The following ABCA3 variants were observed in gnomAD, a reference collection of about 807,000 sequenced individuals.
The protein encoded by ABCA3 is phospholipid-transporting ATPase ABCA3.
A neutral mutation model predicts 172.8 loss-of-function variants in ABCA3; 88 were observed. The ratio of observed to expected loss-of-function variants is 0.51; its 90% CI spans 0.43 to 0.61. The LOEUF is 0.61. Ranked by LOEUF, ABCA3 falls within the 20% of genes least tolerant of loss-of-function variation. The probability of loss-of-function intolerance (pLI) is 0.00; values close to 1 mark genes in which losing one functional copy is unlikely to be tolerated. For missense variants in ABCA3, 2,164 were observed against 2,301.0 expected (o/e 0.94, Z 1.22); for synonymous variants, 1,066 against 983.8 (o/e 1.08, Z -1.56).
rs1198433946 is a variant in ABCA3 at position 2,286,564 on chromosome 16, G to A, written c.3278+130C>T. 1.6e-6 allele frequency: 2 copies of A among 1,249,788 alleles called. No individual in the cohort carries two copies. Among genetic ancestry groups the A allele is most frequent in the African/African-American group, 1.5e-5 (1 of 66,830 alleles). The allele number at this position is 1,249,788 out of a possible 1,614,324, so 77.4% of individuals were successfully genotyped here. ...GGATGGTGGAGGAGGATGTGGCAGG[G>A]GTTTCCCACCAGACCCAGGGGCTTT... On this transcript the variant is annotated intron_variant, in intron 22 of 32. Coordinates refer to ENST00000301732, the MANE Select transcript of ABCA3 (RefSeq NM_001089.3). This position sits in a 1 kb window ranked among gnomAD's most constrained non-coding sequence, Gnocchi z 5.2.
chr16:2,319,462 G>A (rs1354853028), intron 8 of ABCA3, 119 bp downstream of exon 8: 1 of 1,370,610 alleles, frequency 7.3e-7, no homozygotes, highest in Non-Finnish European at 9.7e-7. Flanking sequence ...TCCAGCCTGG[G>A]CGACAGAGCG....
At chr16:2,321,994 T>G (rs1310370824) in intron 7 of ABCA3, among the ~76,000 whole-genome samples, 1 of 151,958 alleles carries the variant, frequency 6.6e-6, no homozygotes, top group African/African-American at 2.4e-5. Context: ...GGTCAAGAGA[T>G]CGAGACCATC....
rs1310674548 is a variant in ABCA3 at position 2,287,089 on chromosome 16, C to T, written c.3005-122G>A. 11 of 1,089,124 alleles carry T rather than the reference C, an allele frequency of 1.0e-5. No individual in the cohort carries two copies. The highest frequency in any genetic ancestry group is 1.2e-5 in the Non-Finnish European group (9 of 750,350). 67.5% of individuals were successfully genotyped at this position (1,089,124 alleles called of 1,614,324 possible). A position where few individuals can be genotyped will look rare whatever the true frequency, so the allele number is the denominator to read the frequency against. Reference sequence around the variant, plus strand: ...GTGCCAGCATCCTCTGAGCTGCCCGCCCCATCACCCTTCTCCTAAGGAGAG... The same window carrying T: ...GTGCCAGCATCCTCTGAGCTGCCCGTCCCATCACCCTTCTCCTAAGGAGAG... On this transcript the variant is annotated intron_variant, in intron 21 of 32. Coordinates refer to ENST00000301732, the MANE Select transcript of ABCA3 (RefSeq NM_001089.3). This position sits in a 1 kb window ranked among gnomAD's most constrained non-coding sequence, Gnocchi z 4.1.
intron 1 of ABCA3, among the ~76,000 whole-genome samples, chr16:2,339,895 G>C (rs2093757773): frequency 1.3e-5 from 2 of 152,264 alleles, no homozygotes; most frequent in African/African-American, 2.4e-5. Flanking sequence ...CGGACGCGAT[G>C]CACACAGGCG....
At chr16:2,298,624 G>A (rs2141708603) in intron 14 of ABCA3, 84 bp from the exon 15 acceptor site, 1 of 1,536,552 alleles carries the variant, frequency 6.5e-7, no homozygotes, top group South Asian at 1.1e-5. Context: ...CCCCCTCTCT[G>A]TCTCCCCTAA....
intron 1 of ABCA3, chr16:2,332,608 T>A (rs2141748825): frequency 6.4e-7 from 1 of 1,564,704 alleles, no homozygotes; most frequent in East Asian, 2.2e-5. Flanking sequence ...CAGCAGCTTG[T>A]ACTGTAGCGT....
At chr16:2,288,459 C>T in intron 20 of ABCA3, 130 bp from the exon 21 acceptor site, 2 of 1,137,862 alleles carry the variant, frequency 1.8e-6, no homozygotes, top group Non-Finnish European at 2.5e-6. Context: ...GCACCGGAGA[C>T]TCCCAGAGCG....
At chr16:2,306,099 C>T (rs981525510) in intron 11 of ABCA3, among the ~76,000 whole-genome samples, 1 of 152,094 alleles carries the variant, frequency 6.6e-6, no homozygotes, top group Non-Finnish European at 1.5e-5. Context: ...CATCTGTAAT[C>T]CCAGCACTTT....
rs373224846 is a variant in ABCA3 at position 2,289,607 on chromosome 16, C to G, written c.2527G>C (p.Val843Leu). 8.4e-5 allele frequency: 131 copies of G among 1,551,426 alleles called. No homozygotes were observed. In the African/African-American group the frequency reaches 1.6e-3, roughly 20 times the overall value. The change falls in exon 20 of 33, where the codon GTG (valine) becomes CTG (leucine). Residue 843 changes from valine (V) to leucine (L), a missense_variant. Around this residue, in one of 3 missense-constraint regions of ABCA3, gnomAD observed 1,343 missense variants for 1,369.6 expected, o/e 0.98. Coordinates refer to ENST00000301732, the MANE Select transcript of ABCA3 (RefSeq NM_001089.3). ...EEVFLRVGKL[V>L]DSSMDIQAIQ... ...GCCTGGATGTCCATACTGCTGTCCA[C>G]CAGCTTCCCGACCCTGTGCCGATAC...
chr16:2,323,618 A>G lies in ABCA3; in HGVS notation c.518T>C (p.Leu173Pro). 1 of 1,614,146 alleles carries G rather than the reference A, an allele frequency of 6.2e-7. No homozygotes were observed. Among genetic ancestry groups the G allele is most frequent in the African/African-American group, 1.3e-5 (1 of 75,028 alleles). Residue 173 changes from leucine (L) to proline (P), a missense_variant, in exon 7 of 33, where the codon CTG becomes CCG. Leu to Pro is a moderately conservative substitution (Grantham distance 98). This residue lies in a region of ABCA3 where 1,343 missense variants were observed against 1,369.6 expected (regional missense o/e 0.98). Transcript: ENST00000301732. ...YMWTQTGSFF[L>P]KETEGWHTTS... is the part of the protein sequence containing the mutation. Reference sequence around the variant, plus strand: ...AGTGTGCCAGCCTTCTGTCTCTTTCAGGAAAAAGGAGCCTGTTTGGGTCCA... The same window carrying G: ...AGTGTGCCAGCCTTCTGTCTCTTTCGGGAAAAAGGAGCCTGTTTGGGTCCA...
At chr16:2,339,940 C>T (rs1283511565) in intron 1 of ABCA3, among the ~76,000 whole-genome samples, 2 of 152,264 alleles carry the variant, frequency 1.3e-5, no homozygotes, top group African/African-American at 4.8e-5. Context: ...CGGCCTCCGG[C>T]GACTGCCACA....
In ABCA3 at chr16:2,283,429, C is replaced by T. The variant is rs2093658188; in HGVS notation, c.3863-71G>A. 6.4e-7 allele frequency: 1 copy of T among 1,554,344 alleles called. No homozygotes were observed. The highest frequency in any genetic ancestry group is 1.2e-5 in the South Asian group (1 of 86,090). The stretch of plus-strand genomic sequence containing the variant: ...CCTCCCCTTCCAGGTTCCCGGCCCC[C>T]ACTCCCCTCCCCAGGCTGCTCAAGG... On this transcript the variant is annotated intron_variant, in intron 25 of 32. Coordinates refer to ENST00000301732, the MANE Select transcript of ABCA3 (RefSeq NM_001089.3). The surrounding 1 kb of genome is among the most constrained non-coding windows in gnomAD (Gnocchi z 5.4).
Position 2,283,956 on chromosome 16 carries a change from G to T in ABCA3, c.3862+323C>A. ...CAGCCAGGAGCTCAGGATGCCTGGA[G>T]CCTCCAGGAGATGGGAGAAGCAGGA... On this transcript the variant is annotated intron_variant, in intron 25 of 32. Coordinates refer to ENST00000301732, the MANE Select transcript of ABCA3 (RefSeq NM_001089.3). The surrounding 1 kb of genome is among the most constrained non-coding windows in gnomAD (Gnocchi z 5.4). The T allele has an allele frequency of 3.4e-6, 1 of 298,098 alleles. No individual in the cohort carries two copies. The highest frequency in any genetic ancestry group is 6.4e-6 in the Non-Finnish European group (1 of 156,550). 18.5% of individuals were successfully genotyped at this position (298,098 alleles called of 1,614,324 possible).
chr16:2,331,677 C>G (rs2093743428), intron 1 of ABCA3, among the ~76,000 whole-genome samples: 1 of 152,202 alleles, frequency 6.6e-6, no homozygotes, highest in African/African-American at 2.4e-5. Flanking sequence ...AGCAAATGTA[C>G]ACAAGAGAAA....
At chr16:2,301,093 T>C (rs941632761) in intron 12 of ABCA3, among the ~76,000 whole-genome samples, 19 of 151,164 alleles carry the variant, frequency 1.3e-4, no homozygotes, top group Admixed American at 7.2e-4. Context: ...TAGCCGGGCG[T>C]GGTGGTGGGC....
Position 2,297,235 on chromosome 16 carries a change from G to T in ABCA3, c.2263+94C>A. On this transcript the variant is annotated intron_variant, in intron 17 of 32. Transcript: ENST00000301732. This position sits in a 1 kb window ranked among gnomAD's most constrained non-coding sequence, Gnocchi z 5.6. ...AGGAAGTCTAGAAAAGGCCACCCCT[G>T]CCTGATCTGAGGGCCCTTCATGAAG... 7.1e-7 allele frequency: 1 copy of T among 1,417,176 alleles called. No homozygotes were observed. The highest frequency in any genetic ancestry group is 9.7e-7 in the Non-Finnish European group (1 of 1,028,640). The allele number at this position is 1,417,176 out of a possible 1,614,324, so 87.8% of individuals were successfully genotyped here.
At position 2,276,689 on chromosome 16, in the gene ABCA3, T is replaced by C. The variant is rs1376790038; in HGVS notation, c.5100A>G (p.Ala1700=). Residue 1700 remains alanine (A), a synonymous_variant, in exon 33 of 33, where the codon GCA becomes GCG. Transcript: ENST00000301732. ...LSFAHLQPPT[A]EEGR ...CCGCCACCCCTCATCGCCCCTCCTC[T>C]GCGGTGGGCGGCTGCAGGTGGGCGA... The C allele has an allele frequency of 6.2e-7, 1 of 1,613,524 alleles. No homozygotes were observed. The highest frequency in any genetic ancestry group is 8.5e-7 in the Non-Finnish European group (1 of 1,180,046).
In ABCA3 at chr16:2,276,749, C is replaced by T. The variant is rs2093647054; in HGVS notation, c.5040G>A (p.Val1680=). The change falls in exon 33 of 33, where the codon GTG becomes GTA. Residue 1680 remains valine, a synonymous_variant. Coordinates refer to ENST00000301732, the MANE Select transcript of ABCA3 (RefSeq NM_001089.3). ...KEKYGVDDYS[V]SQISLEQVFL... ...AGACCTGTTCCAGCGAGATCTGGCT[C>T]ACGGAGTAGTCGTCCACGCCGTACT... 1.2e-6 allele frequency: 2 copies of T among 1,613,928 alleles called. No homozygotes were observed. Among genetic ancestry groups the T allele is most frequent in the Admixed American group, 1.7e-5 (1 of 60,004 alleles).
At position 2,324,405 on chromosome 16, in the gene ABCA3, G is replaced by A. The variant is rs145483014; in HGVS notation, c.446C>T (p.Ala149Val). The part of the protein sequence containing the change: ...FNHSKEPLPL[A>V]VKYHLRFSYT... ...GCTCGGCCCGGCCGCACGTCTCACC[G>A]CCAGCGGCAGGGGCTCCTTGCTGTG... Residue 149 changes from alanine to valine, a missense_variant and splice_region_variant, in exon 6 of 33, where the codon GCG becomes GTG. Around this residue, in one of 3 missense-constraint regions of ABCA3, gnomAD observed 1,343 missense variants for 1,369.6 expected, o/e 0.98. Coordinates refer to ENST00000301732, the MANE Select transcript of ABCA3 (RefSeq NM_001089.3). 1.2e-4 allele frequency: 189 copies of A among 1,595,790 alleles called. 1 individual carries two copies. The Middle Eastern group carries it at 3.0e-3, about 26-fold the overall frequency.
Sources: allele counts gnomAD v4.1 joint callset (sites outside exome capture counted in the v4.1 genomes callset), GRCh38; gene constraint gnomAD v4.1.1; regional missense constraint gnomAD v4.1.1; non-coding constraint Gnocchi (gnomAD v3.1); transcripts MANE v1.5; gene names NCBI Gene and HGNC (gene_info 2026-07-23, HGNC 2026-07-21).